Variants in AP3S1 observed in about 807,000 individuals in gnomAD.
AP3S1 encodes AP-3 complex subunit sigma-1.
AP3S1 carries 12 observed loss-of-function variants against 21.3 expected under a neutral mutation model. The observed-to-expected ratio is 0.56, with a 90% CI of 0.36 to 0.91. The LOEUF (loss-of-function observed/expected upper bound fraction) is 0.91, where lower values mean the gene tolerates loss of function less well. Ranked by LOEUF, AP3S1 falls within the 40% of genes least tolerant of loss-of-function variation. AP3S1 has a pLI of 0.01. For synonymous variants in AP3S1, 48 were observed against 78.4 expected (o/e 0.61, Z 2.05); for missense variants, 116 against 225.0 (o/e 0.52, Z 3.10).
At chr5:115,875,174 TAG>T (rs1279348670) in intron 3 of AP3S1, among the ~76,000 whole-genome samples, 1 of 152,206 alleles carries the variant, frequency 6.6e-6, no homozygotes, top group Non-Finnish European at 1.5e-5. Context: ...TTCTCATTGT[TAG>T]AAGCATTTTT....
chr5:115,875,765 C>G (rs541141088), intron 3 of AP3S1, among the ~76,000 whole-genome samples: 1 of 152,274 alleles, frequency 6.6e-6, no homozygotes, highest in South Asian at 2.1e-4. Flanking sequence ...TTAAAACTTT[C>G]TGTTTTCAGT....
chr5:115,889,747 G>A (rs1750120739), intron 3 of AP3S1, among the ~76,000 whole-genome samples: 1 of 152,074 alleles, frequency 6.6e-6, no homozygotes, highest in Admixed American at 6.5e-5. Context: ...TGTCTGAGGT[G>A]GAAGGATTGC....
intron 3 of AP3S1, among the ~76,000 whole-genome samples, chr5:115,893,564 TTG>T (rs952990864): frequency 6.6e-6 from 1 of 152,204 alleles, no homozygotes; most frequent in Non-Finnish European, 1.5e-5. Context: ...TAACCCTACG[TTG>T]TTCAAGGATG....
At chr5:115,894,981 A>AT (rs1278414917) in intron 3 of AP3S1, 106 bp from the exon 4 acceptor site, 1 of 674,454 alleles carries the variant, frequency 1.5e-6, no homozygotes, top group Non-Finnish European at 2.4e-6. Flanking sequence ...AAAAAGATAA[A>AT]TGTATAATAC....
Position 115,870,109 on chromosome 5 carries a change from G to T in AP3S1, c.254G>T (p.Gly85Val). Residue 85 changes from glycine to valine, a missense_variant, in exon 3 of 6, where the codon GGC becomes GTC. By Grantham distance (109) the Gly-to-Val change is moderately radical. Coordinates refer to ENST00000316788, the MANE Select transcript of AP3S1 (RefSeq NM_001284.4). ...GTGGATTCTTCAGAAAGTGAACTTG[G>T]CATTTTAGATCTAATTCAAGTAAGT... ...FCVDSSESEL[G>V]ILDLIQVFVE... 6.2e-7 allele frequency: 1 copy of T among 1,608,118 alleles called. No homozygotes were observed. The highest frequency in any genetic ancestry group is 2.1e-4 in the Middle Eastern group (1 of 4,740).
chr5:115,865,499 A>G (rs1368964251), intron 1 of AP3S1, among the ~76,000 whole-genome samples: 1 of 152,158 alleles, frequency 6.6e-6, no homozygotes, highest in Non-Finnish European at 1.5e-5. Flanking sequence ...ATTAGTATCT[A>G]GGAGAGAAAG....
chr5:115,857,855 A>G (rs1762907486), intron 1 of AP3S1, among the ~76,000 whole-genome samples: 1 of 152,246 alleles, frequency 6.6e-6, no homozygotes, highest in Non-Finnish European at 1.5e-5. Context: ...TGTAAACACT[A>G]TCTTCAGCTG....
At chr5:115,897,857 C>T (rs539853274) in intron 4 of AP3S1, among the ~76,000 whole-genome samples, 4 of 152,158 alleles carry the variant, frequency 2.6e-5, no homozygotes, top group East Asian at 1.9e-4. Context: ...CCACCACGCC[C>T]GGCCACAGCT....
chr5:115,852,637 T>C (rs1490971541), intron 1 of AP3S1, among the ~76,000 whole-genome samples: 1 of 152,140 alleles, frequency 6.6e-6, no homozygotes, highest in East Asian at 1.9e-4. Flanking sequence ...CACTCCCCAC[T>C]GTCCCTGGCA....
intron 5 of AP3S1, among the ~76,000 whole-genome samples, chr5:115,908,200 A>G (rs187126140): frequency 4.3e-4 from 65 of 152,300 alleles, no homozygotes; most frequent in Non-Finnish European, 7.1e-4. Flanking sequence ...TGTCCCTCAT[A>G]TAGAGAATAC....
At chr5:115,846,693 C>A (rs546542601) in intron 1 of AP3S1, among the ~76,000 whole-genome samples, 3 of 151,726 alleles carry the variant, frequency 2.0e-5, no homozygotes, top group Non-Finnish European at 4.4e-5. Context: ...ACTATTAAGA[C>A]GTTGTGGCAG....
At position 115,866,576 on chromosome 5, in the gene AP3S1, C is replaced by G. The variant is rs1024914142; in HGVS notation, c.70-94C>G. ...GGACCCCTCTCTTAGATGGATTTCCCAGACAGATATTGCTACCTTTGATTT... is the reference window on the plus strand; with the variant it reads ...GGACCCCTCTCTTAGATGGATTTCCGAGACAGATATTGCTACCTTTGATTT... On this transcript the variant is annotated intron_variant, in intron 1 of 5. Coordinates refer to ENST00000316788, the MANE Select transcript of AP3S1 (RefSeq NM_001284.4). 1.8e-5 allele frequency: 14 copies of G among 783,410 alleles called. No individual in the cohort carries two copies. The African/African-American group carries it at 2.5e-4, about 14-fold the overall frequency. The allele number at this position is 783,410 out of a possible 1,614,324, so 48.5% of individuals were successfully genotyped here.
At chr5:115,890,272 G>C (rs767151531) in intron 3 of AP3S1, among the ~76,000 whole-genome samples, 1 of 152,136 alleles carries the variant, frequency 6.6e-6, no homozygotes, top group African/African-American at 2.4e-5. Flanking sequence ...GTCACCAGTA[G>C]AATGGACACA....
At chr5:115,865,305 G>C (rs1763526325) in intron 1 of AP3S1, among the ~76,000 whole-genome samples, 1 of 152,030 alleles carries the variant, frequency 6.6e-6, no homozygotes, top group South Asian at 2.1e-4. Flanking sequence ...CTTACTTTAA[G>C]AATTGTTAAG....
chr5:115,864,733 A>G (rs1181200866), intron 1 of AP3S1, among the ~76,000 whole-genome samples: 1 of 152,242 alleles, frequency 6.6e-6, no homozygotes, highest in Non-Finnish European at 1.5e-5. Context: ...GGGTTTCAAG[A>G]TAAGGGTTTC....
intron 5 of AP3S1, among the ~76,000 whole-genome samples, chr5:115,911,158 T>C (rs1440304089): frequency 6.6e-6 from 1 of 152,162 alleles, no homozygotes; most frequent in Non-Finnish European, 1.5e-5. Context: ...CAACTCAATC[T>C]AATGAAATTT....
chr5:115,896,460 G>C (rs1750760727), intron 4 of AP3S1, among the ~76,000 whole-genome samples: 1 of 152,050 alleles, frequency 6.6e-6, no homozygotes, highest in Non-Finnish European at 1.5e-5. Context: ...GTTATTTTTA[G>C]TCATTAGGGT....
chr5:115,880,664 A>G (rs1005309075), intron 3 of AP3S1, among the ~76,000 whole-genome samples: 1 of 152,166 alleles, frequency 6.6e-6, no homozygotes, highest in Admixed American at 6.5e-5. Context: ...TGCTGAGAAG[A>G]ATGTATATTC....
intron 1 of AP3S1, among the ~76,000 whole-genome samples, chr5:115,847,973 C>G (rs1218020699): frequency 2.6e-5 from 4 of 152,050 alleles, no homozygotes; most frequent in Admixed American, 2.6e-4. Flanking sequence ...TGCTGGAAAA[C>G]TTGCTTTTTA....
Sources: allele counts gnomAD v4.1 joint callset (sites outside exome capture counted in the v4.1 genomes callset), GRCh38; gene constraint gnomAD v4.1.1; transcripts MANE v1.5; gene names NCBI Gene and HGNC (gene_info 2026-07-23, HGNC 2026-07-21).